The following FBXO8 variants were observed in gnomAD, a reference collection of about 807,000 sequenced individuals.
FBXO8 encodes the protein F-box only protein 8.
Under a neutral mutation model 33.4 loss-of-function variants are expected in FBXO8, and 15 were observed. The observed-to-expected ratio is 0.45, with a 90% CI of 0.30 to 0.69. FBXO8 has a LOEUF of 0.69. Among genes scored for constraint, FBXO8 ranks in the 30% least tolerant of loss-of-function variants. The pLI, the probability that FBXO8 is intolerant of heterozygous loss-of-function variation, is 0.08. For synonymous variants in FBXO8, 132 were observed against 131.5 expected (o/e 1.00, Z -0.02); for missense variants, 274 against 380.3 (o/e 0.72, Z 2.32).
Position 174,263,078 on chromosome 4 carries a change from C to T in FBXO8, c.15G>A (p.Leu5=). Residue 5 remains leucine (L), a synonymous_variant, in exon 2 of 6, where the codon TTG becomes TTA. Transcript: ENST00000393674. This position sits in a 1 kb window ranked among gnomAD's most constrained non-coding sequence, Gnocchi z 4.2. ...GCTGCTGGTTTCTGACCACTCTCCA[C>T]AACCCTTGACCCATCTGCAAGCCTG... The part of the protein sequence containing the change: MGQG[L]WRVVRNQQLQ... The T allele has an allele frequency of 6.2e-7, 1 of 1,613,778 alleles. No homozygotes were observed. The highest frequency in any genetic ancestry group is 1.1e-5 in the South Asian group (1 of 91,062).
chr4:174,246,857 C>T (rs1736171172), intron 3 of FBXO8, among the ~76,000 whole-genome samples: 1 of 151,886 alleles, frequency 6.6e-6, no homozygotes, highest in Non-Finnish European at 1.5e-5. Context: ...TTTCTTAGGT[C>T]TATCTGGGGA....
rs1302533525 is a variant in FBXO8, at chr4:174,265,207, A to C, written c.-8-2107T>G. Among the ~76,000 whole-genome samples, 1 of 152,114 alleles carries C rather than the reference A, an allele frequency of 6.6e-6. No individual in the cohort carries two copies. The highest frequency in any genetic ancestry group is 2.4e-5 in the African/African-American group (1 of 41,444). ...TTAAAAATTAAACATACTTTGTATG[A>C]TTCAGCATTAGCTGAATCATTTACC... On this transcript the variant is annotated intron_variant, in intron 1 of 5. Coordinates refer to ENST00000393674, the MANE Select transcript of FBXO8 (RefSeq NM_012180.3). This position sits in a 1 kb window ranked among gnomAD's most constrained non-coding sequence, Gnocchi z 4.7.
chr4:174,255,708 A>G lies in FBXO8; in HGVS notation c.456+3991T>C, dbSNP rs78026535. On this transcript the variant is annotated intron_variant, in intron 3 of 5. Coordinates refer to ENST00000393674, the MANE Select transcript of FBXO8 (RefSeq NM_012180.3). This position sits in a 1 kb window ranked among gnomAD's most constrained non-coding sequence, Gnocchi z 4.3. Reference sequence around the variant, plus strand: ...TAAAGTTAAACCATGTTCACTACCAATTTTTCAGATCCTAAATTTAAAAAT... The same window carrying G: ...TAAAGTTAAACCATGTTCACTACCAGTTTTTCAGATCCTAAATTTAAAAAT... 3.5e-3 allele frequency among the ~76,000 whole-genome samples: 538 copies of G among 152,232 alleles called. 2 individuals are homozygous for G. Among genetic ancestry groups the G allele is most frequent in the Middle Eastern group, 0.014 (4 of 294 alleles).
intron 3 of FBXO8, among the ~76,000 whole-genome samples, chr4:174,246,969 A>G (rs1398190389): frequency 6.6e-6 from 1 of 152,044 alleles, no homozygotes. Flanking sequence ...GGAATTCACT[A>G]GGAATAAACT....
chr4:174,265,648 G>C lies in FBXO8; in HGVS notation c.-8-2548C>G, dbSNP rs940282851. On this transcript the variant is annotated intron_variant, in intron 1 of 5. Transcript: ENST00000393674. This position sits in a 1 kb window ranked among gnomAD's most constrained non-coding sequence, Gnocchi z 4.7. ...TATGATTCTAATTATAAGACATTCT[G>C]GAAAAGGCAAAACTATGGAGACAGT... Among the ~76,000 whole-genome samples the C allele has an allele frequency of 4.6e-5, 7 of 151,984 alleles. No individual in the cohort carries two copies. Among genetic ancestry groups the C allele is most frequent in the Non-Finnish European group, 7.4e-5 (5 of 67,954 alleles).
At chr4:174,276,072 T>A (rs1736954555) in intron 1 of FBXO8, among the ~76,000 whole-genome samples, 1 of 150,624 alleles carries the variant, frequency 6.6e-6, no homozygotes, top group Non-Finnish European at 1.5e-5. Flanking sequence ...ATATTATATT[T>A]CTAATATCTG....
chr4:174,257,802 G>A lies in FBXO8; in HGVS notation c.456+1897C>T, dbSNP rs1736451765. Among the ~76,000 whole-genome samples, 1 of 151,998 alleles carries A rather than the reference G, an allele frequency of 6.6e-6. No homozygotes were observed. Among genetic ancestry groups the A allele is most frequent in the Non-Finnish European group, 1.5e-5 (1 of 67,992 alleles). On this transcript the variant is annotated intron_variant, in intron 3 of 5. Transcript: ENST00000393674. The surrounding 1 kb of genome is among the most constrained non-coding windows in gnomAD (Gnocchi z 4.3). ...CAGAGTCTCACTCTCACAACTTACT[G>A]CGCCCTTGACCTCTGGGGCTCAAGT... is the stretch of plus-strand genomic sequence containing the variant.
At chr4:174,269,220 A>C (rs1736773196) in intron 1 of FBXO8, 1 of 152,212 alleles carries the variant, frequency 6.6e-6, no homozygotes, top group South Asian at 2.1e-4. Flanking sequence ...GAAGTAAACA[A>C]AAATTTCATA....
Position 174,254,517 on chromosome 4 carries a change from C to T in FBXO8, c.456+5182G>A, listed in dbSNP as rs1262094998. Among the ~76,000 whole-genome samples, 1 of 152,052 alleles carries T rather than the reference C, an allele frequency of 6.6e-6. No homozygotes were observed. The highest frequency in any genetic ancestry group is 1.5e-5 in the Non-Finnish European group (1 of 67,994). ...AAGAGTTAGTACAGAGAATGCGATA[C>T]CAAGTAAATAATGATGAATGGTCTA... On this transcript the variant is annotated intron_variant, in intron 3 of 5. Coordinates refer to ENST00000393674, the MANE Select transcript of FBXO8 (RefSeq NM_012180.3). This position sits in a 1 kb window ranked among gnomAD's most constrained non-coding sequence, Gnocchi z 4.2.
chr4:174,276,363 G>A (rs11939946), intron 1 of FBXO8, among the ~76,000 whole-genome samples: 50,703 of 151,820 alleles, frequency 0.33, 8,925 homozygotes, highest in Non-Finnish European at 0.37. Context: ...TCAGTCTCCC[G>A]AGTAGCTGGG....
chr4:174,275,499 G>A lies in FBXO8; in HGVS notation c.-9+7911C>T, dbSNP rs1736940148. Among the ~76,000 whole-genome samples, 1 of 152,026 alleles carries A rather than the reference G, an allele frequency of 6.6e-6. No individual in the cohort carries two copies. Among genetic ancestry groups the A allele is most frequent in the South Asian group, 2.1e-4 (1 of 4,820 alleles). ...GGATGACTCTATATTTCTTGAGACT[G>A]CATGTACATCTACAATTATCTTAAA... On this transcript the variant is annotated intron_variant, in intron 1 of 5. Transcript: ENST00000393674. The surrounding 1 kb of genome is among the most constrained non-coding windows in gnomAD (Gnocchi z 4.4).
At position 174,263,520 on chromosome 4, in the gene FBXO8, A is replaced by G. The variant is rs17060434; in HGVS notation, c.-8-420T>C. On this transcript the variant is annotated intron_variant, in intron 1 of 5. Coordinates refer to ENST00000393674, the MANE Select transcript of FBXO8 (RefSeq NM_012180.3). The surrounding 1 kb of genome is among the most constrained non-coding windows in gnomAD (Gnocchi z 4.2). ...CAGACCCTGCTTTTTATCACAATTC[A>G]GTCTAAGCTAAGCTAGCTCCTTTTA... Among the ~76,000 whole-genome samples the G allele has an allele frequency of 0.064, 9,684 of 152,208 alleles. 427 individuals carry two copies. The highest frequency in any genetic ancestry group is 0.21 in the South Asian group (1,028 of 4,824).
At position 174,253,078 on chromosome 4, in the gene FBXO8, T is replaced by C. The variant is rs902620662; in HGVS notation, c.456+6621A>G. 1.3e-5 allele frequency among the ~76,000 whole-genome samples: 2 copies of C among 152,144 alleles called. No homozygotes were observed. The highest frequency in any genetic ancestry group is 2.4e-5 in the African/African-American group (1 of 41,434). ...CCATAAAAGCATCCTTCAAGGTGAA[T>C]GGAGCTTGGAATAAAGAATCCATAT... On this transcript the variant is annotated intron_variant, in intron 3 of 5. Transcript: ENST00000393674. The surrounding 1 kb of genome is among the most constrained non-coding windows in gnomAD (Gnocchi z 4.5).
In FBXO8 at chr4:174,237,745, TAG is replaced by T. The variant is rs749923832; in HGVS notation, c.773-148_773-147del. 16 of 694,082 alleles carry T rather than the reference TAG, an allele frequency of 2.3e-5. No homozygotes were observed. Among genetic ancestry groups the T allele is most frequent in the Non-Finnish European group, 3.2e-5 (14 of 434,248 alleles). The allele number at this position is 694,082 out of a possible 1,614,324, so 43.0% of individuals were successfully genotyped here. ...AGTGACCAATCCATCCCAGTTTGTC[TAG>T]ACTCTTCCCAGTTTTGCACTGAAAG... On this transcript the variant is annotated intron_variant, in intron 5 of 5. Coordinates refer to ENST00000393674, the MANE Select transcript of FBXO8 (RefSeq NM_012180.3). The surrounding 1 kb of genome is among the most constrained non-coding windows in gnomAD (Gnocchi z 4.4).
intron 1 of FBXO8, among the ~76,000 whole-genome samples, chr4:174,264,037 A>C (rs960158425): frequency 6.6e-6 from 1 of 152,200 alleles, no homozygotes; most frequent in Non-Finnish European, 1.5e-5. Flanking sequence ...AATACAAATA[A>C]TTACTTTCAT....
At chr4:174,269,178 A>G (rs1209370482) in intron 1 of FBXO8, 2 of 152,212 alleles carry the variant, frequency 1.3e-5, no homozygotes, top group Admixed American at 6.5e-5. Flanking sequence ...CTACAAACAC[A>G]GAAACATAAC....
chr4:174,260,666 G>A (rs1175989152), intron 2 of FBXO8, among the ~76,000 whole-genome samples: 1 of 151,908 alleles, frequency 6.6e-6, no homozygotes, highest in Non-Finnish European at 1.5e-5. Context: ...ACTCTTCACA[G>A]AGGCAATAGC....
rs567275796 is a variant in FBXO8 at position 174,253,998 on chromosome 4, A to G, written c.456+5701T>C. On this transcript the variant is annotated intron_variant, in intron 3 of 5. Transcript: ENST00000393674. The surrounding 1 kb of genome is among the most constrained non-coding windows in gnomAD (Gnocchi z 4.5). Reference sequence around the variant, plus strand: ...TAAAGTAACTGGGATACCTGCATCCAGGACTCTTTTGAAGTAAACAAATGT... The same window carrying G: ...TAAAGTAACTGGGATACCTGCATCCGGGACTCTTTTGAAGTAAACAAATGT... 2.0e-5 allele frequency among the ~76,000 whole-genome samples: 3 copies of G among 152,344 alleles called. No homozygotes were observed. In the East Asian group the frequency reaches 5.8e-4, roughly 29 times the overall value.
chr4:174,271,233 T>C (rs1372039708), intron 1 of FBXO8, among the ~76,000 whole-genome samples: 3 of 152,152 alleles, frequency 2.0e-5, no homozygotes, highest in East Asian at 1.9e-4. Flanking sequence ...AATGAAGCCA[T>C]GTAGAGAAAG....
Sources: allele counts gnomAD v4.1 joint callset (sites outside exome capture counted in the v4.1 genomes callset), GRCh38; gene constraint gnomAD v4.1.1; non-coding constraint Gnocchi (gnomAD v3.1); transcripts MANE v1.5; gene names NCBI Gene and HGNC (gene_info 2026-07-23, HGNC 2026-07-21).